The following PRKAA1 variants were observed in gnomAD, a reference collection of about 807,000 sequenced individuals.
PRKAA1 encodes the protein protein kinase AMP-activated catalytic subunit alpha 1.
A neutral mutation model predicts 56.9 loss-of-function variants in PRKAA1; 23 were observed. That is an observed-to-expected ratio of 0.40 (90% confidence interval 0.29 to 0.57). The LOEUF is 0.57. Ranked by LOEUF, PRKAA1 falls within the 20% of genes least tolerant of loss-of-function variation. The pLI, the probability that PRKAA1 is intolerant of heterozygous loss-of-function variation, is 0.39. For missense variants in PRKAA1, 413 were observed against 679.7 expected, an observed-to-expected ratio of 0.61 and a Z score of 4.36; for synonymous variants, 226 against 227.0, an observed-to-expected ratio of 1.00 and a Z score of 0.04.
chr5:40,790,525 C>CTCTTTTTTT (rs546238399), intron 1 of PRKAA1, among the ~76,000 whole-genome samples: 2 of 112,024 alleles, frequency 1.8e-5, no homozygotes, highest in Non-Finnish European at 1.8e-5. Context: ...TCAACTCTTT[C>CTCTTTTTTT]TTTTTTTTTT....
At chr5:40,771,419 C>T (rs974985462) in intron 4 of PRKAA1, among the ~76,000 whole-genome samples, 6 of 152,200 alleles carry the variant, frequency 3.9e-5, no homozygotes, top group East Asian at 1.9e-4. Flanking sequence ...AGGAGGGTCA[C>T]CTGGCCCAGT....
At chr5:40,784,935 T>A (rs1744407631) in intron 1 of PRKAA1, among the ~76,000 whole-genome samples, 1 of 152,194 alleles carries the variant, frequency 6.6e-6, no homozygotes, top group African/African-American at 2.4e-5. Context: ...TCAGAAGACA[T>A]GTAAAAATAC....
In PRKAA1 at chr5:40,771,708, A is replaced by G. The variant is rs1310910137; in HGVS notation, c.508+11T>C. ...GAAATGAACGTTAAGAAACTATAAA[A>G]TTATCCTTACCAAAATCAGCTATCT... is the stretch of plus-strand genomic sequence containing the variant. On this transcript the variant is annotated intron_variant, in intron 4 of 8. Transcript: ENST00000397128. 2 of 1,594,992 alleles carry G rather than the reference A, an allele frequency of 1.3e-6. No individual in the cohort carries two copies. The highest frequency in any genetic ancestry group is 2.7e-5 in the African/African-American group (2 of 73,410).
rs566239809 is a variant in PRKAA1 at position 40,776,165 on chromosome 5, C to A, written c.270-662G>T. ...CAGGATTTCATGAGACAGATGGTGG[C>A]TGAGACCAGGTTGACAGCAATAAAG... On this transcript the variant is annotated intron_variant, in intron 2 of 8. Transcript: ENST00000397128. Among the ~76,000 whole-genome samples, 292 of 152,268 alleles carry A rather than the reference C, an allele frequency of 1.9e-3. 1 individual carries two copies. Among genetic ancestry groups the A allele is most frequent in the African/African-American group, 6.6e-3 (274 of 41,556 alleles).
At chr5:40,791,353 G>A (rs1162488191) in intron 1 of PRKAA1, among the ~76,000 whole-genome samples, 4 of 152,198 alleles carry the variant, frequency 2.6e-5, no homozygotes, top group Non-Finnish European at 5.9e-5. Context: ...GGCCACGGAA[G>A]ACTTGCACAT....
chr5:40,786,811 A>AAT (rs1744509140), intron 1 of PRKAA1, among the ~76,000 whole-genome samples: 1 of 148,606 alleles, frequency 6.7e-6, no homozygotes, highest in African/African-American at 2.5e-5. Flanking sequence ...AAAAAAAAAA[A>AAT]AGCTGCCAGT....
chr5:40,766,353 C>G (rs1409760984), intron 6 of PRKAA1, among the ~76,000 whole-genome samples: 1 of 152,072 alleles, frequency 6.6e-6, no homozygotes, highest in Non-Finnish European at 1.5e-5. Flanking sequence ...GATAAATGTG[C>G]AGTCTAGCCA....
rs191331175 is a variant in PRKAA1, at chr5:40,786,713, G to A, written c.128-9127C>T. Among the ~76,000 whole-genome samples, 919 of 146,618 alleles carry A rather than the reference G, an allele frequency of 6.3e-3. 13 individuals carry two copies. The highest frequency in any genetic ancestry group is 0.022 in the African/African-American group (870 of 39,254). On this transcript the variant is annotated intron_variant, in intron 1 of 8. Transcript: ENST00000397128. ...CCCAGCACCTTGGGAGGCCGAGGCA[G>A]GCAGAGCACTTGAGGTTAGGAGTTC... is the stretch of plus-strand genomic sequence containing the variant.
Position 40,762,866 on chromosome 5 carries a change from G to C in PRKAA1, c.1592C>G (p.Ser531Cys). 1 of 1,614,184 alleles carries C rather than the reference G, an allele frequency of 6.2e-7. No individual in the cohort carries two copies. Among genetic ancestry groups the C allele is most frequent in the Non-Finnish European group, 8.5e-7 (1 of 1,180,036 alleles). ...AGGTCTTGGAGTTAGGTCAACAGGAGAAGAGTCAAGTGAGGTCACAGATGA... is the reference window on the plus strand; with the variant it reads ...AGGTCTTGGAGTTAGGTCAACAGGACAAGAGTCAAGTGAGGTCACAGATGA... ...LTSSVTSLDS[S>C]PVDLTPRPGS... is the part of the protein sequence containing the mutation. The change falls in exon 9 of 9, where the codon TCT becomes TGT. Residue 531 changes from serine (S) to cysteine (C), a missense_variant. By Grantham distance (112) the Ser-to-Cys change is moderately radical. Around this residue, in one of 9 missense-constraint regions of PRKAA1, gnomAD observed 139 missense variants for 171.5 expected, o/e 0.81. Transcript: ENST00000397128.
At chr5:40,772,982 T>G (rs1239179691) in intron 3 of PRKAA1, among the ~76,000 whole-genome samples, 1 of 152,164 alleles carries the variant, frequency 6.6e-6, no homozygotes, top group East Asian at 1.9e-4. Flanking sequence ...TATTACCACT[T>G]TTTTCAACAT....
chr5:40,763,085 G>A (rs1743267966), intron 8 of PRKAA1, 63 bp from the exon 9 acceptor site: 3 of 1,562,756 alleles, frequency 1.9e-6, no homozygotes, highest in South Asian at 1.1e-5. Context: ...TTTTGTAACA[G>A]TATTGAATTT....
At chr5:40,790,582 C>G (rs2112096971) in intron 1 of PRKAA1, among the ~76,000 whole-genome samples, 1 of 150,282 alleles carries the variant, frequency 6.7e-6, no homozygotes, top group South Asian at 2.1e-4. Flanking sequence ...GCTCTGTCGC[C>G]AGGCTGGAGT....
chr5:40,775,902 C>T (rs1471119586), intron 2 of PRKAA1, among the ~76,000 whole-genome samples: 2 of 152,036 alleles, frequency 1.3e-5, no homozygotes, highest in African/African-American at 4.8e-5. Context: ...TAGAAGCCTG[C>T]TTGGCATGTT....
chr5:40,769,878 T>TAAAAAAAA (rs3071208), intron 4 of PRKAA1, among the ~76,000 whole-genome samples: 2 of 109,890 alleles, frequency 1.8e-5, no homozygotes, highest in Non-Finnish European at 3.6e-5. Flanking sequence ...TCTGATTCTT[T>TAAAAAAAA]AAAAAAAAAA....
intron 1 of PRKAA1, among the ~76,000 whole-genome samples, chr5:40,785,878 A>AGAGGGAGAGAGAGC (rs1454892834): frequency 6.1e-4 from 91 of 149,138 alleles, no homozygotes; most frequent in African/African-American, 2.0e-3. Flanking sequence ...AGAGAGAGAG[A>AGAGGGAGAGAGAGC]GCAAGCGAGC....
Position 40,762,805 on chromosome 5 carries a change from T to G in PRKAA1, c.1653A>C (p.Ala551=). 6.2e-7 allele frequency: 1 copy of G among 1,614,180 alleles called. No homozygotes were observed. Among genetic ancestry groups the G allele is most frequent in the Non-Finnish European group, 8.5e-7 (1 of 1,180,000 alleles). Reference sequence around the variant, plus strand: ...ATTGTGCAAGAATTTTAATTAGATTTGCACACATCTCAAAAAATTCTATTG... The same window carrying G: ...ATTGTGCAAGAATTTTAATTAGATTGGCACACATCTCAAAAAATTCTATTG... The part of the protein sequence containing the change: ...SHTIEFFEMC[A]NLIKILAQ Residue 551 remains alanine, a synonymous_variant, in exon 9 of 9, where the codon GCA becomes GCC. Coordinates refer to ENST00000397128, the MANE Select transcript of PRKAA1 (RefSeq NM_006251.6).
chr5:40,782,565 A>G lies in PRKAA1; in HGVS notation c.128-4979T>C, dbSNP rs879322204. ...CATCCATGAAATGCATGATTGTATT[A>G]GCAAAATTTATTAACTATTTTCAGA... On this transcript the variant is annotated intron_variant, in intron 1 of 8. Coordinates refer to ENST00000397128, the MANE Select transcript of PRKAA1 (RefSeq NM_006251.6). Among the ~76,000 whole-genome samples the G allele has an allele frequency of 9.2e-5, 14 of 152,356 alleles. No individual in the cohort carries two copies. In the South Asian group the frequency reaches 1.7e-3, roughly 18 times the overall value.
At chr5:40,765,760 A>AAAC (rs1554030730) in intron 6 of PRKAA1, among the ~76,000 whole-genome samples, 1 of 151,724 alleles carries the variant, frequency 6.6e-6, no homozygotes, top group African/African-American at 2.4e-5. Context: ...TTAAAAAAAA[A>AAAC]ATCAAGGAAC....
At position 40,780,435 on chromosome 5, in the gene PRKAA1, G is replaced by A. The variant is rs1744220680; in HGVS notation, c.128-2849C>T. ...CGACAGACATAATTCTCGACAGACA[G>A]CATTCTTGAGAGACATAACCAATAA... is the stretch of plus-strand genomic sequence containing the variant. On this transcript the variant is annotated intron_variant, in intron 1 of 8. Transcript: ENST00000397128. 2.0e-5 allele frequency among the ~76,000 whole-genome samples: 3 copies of A among 152,232 alleles called. No individual in the cohort carries two copies. The South Asian group carries it at 6.2e-4, about 32-fold the overall frequency.
Sources: allele counts gnomAD v4.1 joint callset (sites outside exome capture counted in the v4.1 genomes callset), GRCh38; gene constraint gnomAD v4.1.1; regional missense constraint gnomAD v4.1.1; transcripts MANE v1.5; gene names NCBI Gene and HGNC (gene_info 2026-07-23, HGNC 2026-07-21).